DOK6: variants seen among roughly 807,000 people sequenced by gnomAD.
DOK6 encodes the protein docking protein 6.
In DOK6, 22 loss-of-function variants were observed where a neutral mutation model predicts 44.0. That is an observed-to-expected ratio of 0.50 (90% CI 0.36 to 0.71). The LOEUF (loss-of-function observed/expected upper bound fraction) is 0.71, where lower values mean the gene tolerates loss of function less well. Among genes scored for constraint, DOK6 ranks in the 30% least tolerant of loss-of-function variants. The pLI, the probability that DOK6 is intolerant of heterozygous loss-of-function variation, is 0.00. For missense variants in DOK6, 340 were observed against 416.4 expected (o/e 0.82, Z 1.60); for synonymous variants, 166 against 145.5 (o/e 1.14, Z -1.01).
At chr18:69,804,247 G>A (rs7243872) in intron 7 of DOK6, among the ~76,000 whole-genome samples, 21,318 of 152,000 alleles carry the variant, frequency 0.14, 1,605 homozygotes, top group Admixed American at 0.18. Flanking sequence ...CTGAGACAAC[G>A]AAAAAACAAG....
intron 2 of DOK6, among the ~76,000 whole-genome samples, chr18:69,585,384 T>C (rs1320251392): frequency 6.6e-6 from 1 of 152,188 alleles, no homozygotes; most frequent in Non-Finnish European, 1.5e-5. Flanking sequence ...TTACTAAGAC[T>C]TTTTTATCAC....
intron 2 of DOK6, among the ~76,000 whole-genome samples, chr18:69,565,344 G>T (rs972248356): frequency 6.6e-6 from 1 of 151,826 alleles, no homozygotes; most frequent in East Asian, 1.9e-4. Context: ...GTAATATATT[G>T]TTCTAATTTC....
chr18:69,408,722 T>G (rs1162561360), intron 1 of DOK6, among the ~76,000 whole-genome samples: 1 of 152,176 alleles, frequency 6.6e-6, no homozygotes, highest in Non-Finnish European at 1.5e-5. Flanking sequence ...TCACATAGTA[T>G]GACAGTGTTA....
intron 3 of DOK6, among the ~76,000 whole-genome samples, chr18:69,657,463 GGA>G (rs199904655): frequency 0.017 from 2,635 of 152,252 alleles, 31 homozygotes; most frequent in Non-Finnish European, 0.026. Flanking sequence ...CACAAGGTCA[GGA>G]GTAGGAAATA....
chr18:69,822,992 G>C (rs1264941984), intron 7 of DOK6, among the ~76,000 whole-genome samples: 1 of 151,982 alleles, frequency 6.6e-6, no homozygotes, highest in East Asian at 1.9e-4. Context: ...GTCAGGACCA[G>C]GCTAAATAAT....
chr18:69,448,131 T>C (rs974075759), intron 1 of DOK6, among the ~76,000 whole-genome samples: 1 of 152,172 alleles, frequency 6.6e-6, no homozygotes, highest in African/African-American at 2.4e-5. Context: ...AAGTGGGAGA[T>C]GGTAGGCAGA....
At chr18:69,787,368 G>A (rs1320518246) in intron 7 of DOK6, among the ~76,000 whole-genome samples, 1 of 152,112 alleles carries the variant, frequency 6.6e-6, no homozygotes, top group Non-Finnish European at 1.5e-5. Context: ...TTTACAGTGT[G>A]TTAACTTTAT....
chr18:69,556,984 T>C (rs1982703019), intron 1 of DOK6, among the ~76,000 whole-genome samples: 1 of 152,196 alleles, frequency 6.6e-6, no homozygotes, highest in African/African-American at 2.4e-5. Flanking sequence ...TGTAAATAAC[T>C]CTTCTGGATG....
chr18:69,811,205 G>A (rs1568132930), intron 7 of DOK6, among the ~76,000 whole-genome samples: 1 of 151,878 alleles, frequency 6.6e-6, no homozygotes, highest in Non-Finnish European at 1.5e-5. Flanking sequence ...GCCAGACACA[G>A]AGCGGAAAAA....
At position 69,846,960 on chromosome 18, in the gene DOK6, AAT is replaced by A. The variant is rs1362841538; in HGVS notation, c.*5580_*5581del. On this transcript the variant is annotated 3_prime_UTR_variant, in exon 8 of 8. Coordinates refer to ENST00000382713, the MANE Select transcript of DOK6 (RefSeq NM_152721.6). ...TAAATTAACTGAAGTTTAAATAAGA[AAT>A]ATGTTAAAATTACTAAATAATATGA... is the stretch of plus-strand genomic sequence containing the variant. 6.6e-6 allele frequency: 1 copy of A among 152,180 alleles called. No homozygotes were observed. Among genetic ancestry groups the A allele is most frequent in the African/African-American group, 2.4e-5 (1 of 41,454 alleles). 9.4% of individuals were successfully genotyped at this position (152,180 alleles called of 1,614,324 possible).
At chr18:69,692,099 C>G (rs559020567) in intron 4 of DOK6, among the ~76,000 whole-genome samples, 2 of 152,000 alleles carry the variant, frequency 1.3e-5, no homozygotes, top group Non-Finnish European at 2.9e-5. Context: ...GAAAGTGGGG[C>G]GGTGGGGAGT....
At chr18:69,819,899 C>T (rs1981516702) in intron 7 of DOK6, among the ~76,000 whole-genome samples, 1 of 152,182 alleles carries the variant, frequency 6.6e-6, no homozygotes, top group Non-Finnish European at 1.5e-5. Context: ...TTGGGTGACA[C>T]ATAAAATACA....
intron 7 of DOK6, among the ~76,000 whole-genome samples, chr18:69,811,659 G>C (rs945769848): frequency 6.6e-6 from 1 of 150,958 alleles, no homozygotes; most frequent in African/African-American, 2.4e-5. Context: ...ATATGTAAGT[G>C]CCATCCAGAC....
At chr18:69,772,781 C>G (rs1979926883) in intron 7 of DOK6, among the ~76,000 whole-genome samples, 1 of 151,900 alleles carries the variant, frequency 6.6e-6, no homozygotes, top group Non-Finnish European at 1.5e-5. Flanking sequence ...GTGGTTCTGG[C>G]AATGGTTTCA....
chr18:69,721,486 G>C (rs1978288650), intron 5 of DOK6: 1 of 151,996 alleles, frequency 6.6e-6, no homozygotes, highest in South Asian at 2.1e-4. Flanking sequence ...ATAAAAATAG[G>C]AACAATCATG....
intron 1 of DOK6, among the ~76,000 whole-genome samples, chr18:69,472,971 G>T (rs1980158099): frequency 6.6e-6 from 1 of 152,160 alleles, no homozygotes; most frequent in Non-Finnish European, 1.5e-5. Flanking sequence ...AAAGACAGTT[G>T]CTGGCATTAG....
intron 3 of DOK6, among the ~76,000 whole-genome samples, chr18:69,654,697 G>A (rs1985317578): frequency 1.3e-5 from 2 of 152,166 alleles, no homozygotes; most frequent in Non-Finnish European, 1.5e-5. Context: ...AAGTTGTTTA[G>A]AATTGCTGAC....
intron 5 of DOK6, among the ~76,000 whole-genome samples, chr18:69,722,848 T>C (rs1463990945): frequency 6.6e-6 from 1 of 152,174 alleles, no homozygotes; most frequent in African/African-American, 2.4e-5. Context: ...AGCATTCCTT[T>C]AGCTACTAGT....
At chr18:69,784,909 CTG>C (rs764839504) in intron 7 of DOK6, among the ~76,000 whole-genome samples, 2 of 152,162 alleles carry the variant, frequency 1.3e-5, no homozygotes, top group Non-Finnish European at 2.9e-5. Context: ...GTCATAGAGA[CTG>C]TTTGTCACCC....
Sources: allele counts gnomAD v4.1 joint callset (sites outside exome capture counted in the v4.1 genomes callset), GRCh38; gene constraint gnomAD v4.1.1; transcripts MANE v1.5; gene names NCBI Gene and HGNC (gene_info 2026-07-23, HGNC 2026-07-21).